The following ASTN2 variants were observed in gnomAD, a reference collection of about 807,000 sequenced individuals.
ASTN2 encodes astrotactin-2.
ASTN2 carries 54 observed loss-of-function variants against 139.8 expected under a neutral mutation model. That is an observed-to-expected ratio of 0.39 (90% CI 0.31 to 0.48). ASTN2 has a LOEUF of 0.48. Ranked by LOEUF, ASTN2 falls within the 20% of genes least tolerant of loss-of-function variation. The pLI is 0.95. For synonymous variants in ASTN2, 756 were observed against 719.5 expected, an observed-to-expected ratio of 1.05 and a Z score of -0.81; for missense variants, 1,565 against 1,725.1, an observed-to-expected ratio of 0.91 and a Z score of 1.64.
chr9:117,045,483 T>G (rs2132658583), intron 5 of ASTN2, among the ~76,000 whole-genome samples: 1 of 152,212 alleles, frequency 6.6e-6, no homozygotes. Context: ...AATCTAATTT[T>G]CCTTCCATTT....
chr9:116,782,007 A>C (rs1830231803), intron 13 of ASTN2, among the ~76,000 whole-genome samples: 2 of 152,178 alleles, frequency 1.3e-5, no homozygotes, highest in African/African-American at 2.4e-5. Flanking sequence ...CTAACTCCAA[A>C]ACCCATACTC....
At chr9:116,610,961 C>T (rs1452786841) in intron 19 of ASTN2, 3 of 152,080 alleles carry the variant, frequency 2.0e-5, no homozygotes, top group Non-Finnish European at 4.4e-5. Flanking sequence ...ATCTAACAGG[C>T]ATTTATAAAA....
intron 19 of ASTN2, among the ~76,000 whole-genome samples, chr9:116,574,685 G>C (rs60949535): frequency 0.16 from 24,566 of 152,196 alleles, 2,168 homozygotes; most frequent in African/African-American, 0.22. Context: ...AAGGCCAATG[G>C]TAAAATGCTT....
chr9:116,644,073 G>A (rs1321640817), intron 17 of ASTN2, among the ~76,000 whole-genome samples: 2 of 152,150 alleles, frequency 1.3e-5, no homozygotes, highest in Non-Finnish European at 2.9e-5. Flanking sequence ...TGCTGGTAGT[G>A]ATAGTAGTGG....
intron 16 of ASTN2, among the ~76,000 whole-genome samples, chr9:116,676,702 C>A (rs1192978245): frequency 1.3e-5 from 2 of 152,164 alleles, no homozygotes; most frequent in Non-Finnish European, 2.9e-5. Context: ...CTAGGAAAAG[C>A]AATAGAAACT....
At chr9:117,206,307 G>A (rs939806729) in intron 3 of ASTN2, among the ~76,000 whole-genome samples, 1 of 152,096 alleles carries the variant, frequency 6.6e-6, no homozygotes, top group Non-Finnish European at 1.5e-5. Flanking sequence ...CTCACTGTGG[G>A]GAAAAGATAA....
chr9:116,426,796 T>C (rs1847321884), intron 22 of ASTN2, among the ~76,000 whole-genome samples: 1 of 152,150 alleles, frequency 6.6e-6, no homozygotes, highest in Non-Finnish European at 1.5e-5. Context: ...CTGTGTCTCA[T>C]TTTTTCCCAC....
intron 13 of ASTN2, among the ~76,000 whole-genome samples, chr9:116,765,699 A>T (rs945857915): frequency 3.3e-5 from 5 of 152,170 alleles, no homozygotes; most frequent in African/African-American, 1.2e-4. Context: ...GCTGATCTTT[A>T]AAAAATAGAA....
At position 117,214,567 on chromosome 9, in the gene ASTN2, C is replaced by T. The variant is rs777574038; in HGVS notation, c.806G>A (p.Arg269His). The change falls in exon 3 of 23, where the codon CGT becomes CAT. Residue 269 changes from arginine (R) to histidine (H), a missense_variant. Coordinates refer to ENST00000313400, the MANE Select transcript of ASTN2 (RefSeq NM_001365068.1). ...LLGPQARESF[R>H]SSRLQTHNSV... ...ATTGTGGGTTTGCAGCCGGGATGAA[C>T]GGAAGCTCTCCCGCGCCTGGGGACC... 5 of 1,610,548 alleles carry T rather than the reference C, an allele frequency of 3.1e-6. No individual in the cohort carries two copies. The highest frequency in any genetic ancestry group is 2.2e-5 in the East Asian group (1 of 44,742).
chr9:117,223,725 G>A (rs1419059914), intron 2 of ASTN2, among the ~76,000 whole-genome samples: 1 of 152,120 alleles, frequency 6.6e-6, no homozygotes. Flanking sequence ...ACATGTATGT[G>A]ATTATGTATG....
intron 13 of ASTN2, among the ~76,000 whole-genome samples, chr9:116,779,148 C>A (rs1830156243): frequency 6.6e-6 from 1 of 152,120 alleles, no homozygotes; most frequent in African/African-American, 2.4e-5. Flanking sequence ...TATGGTCTGT[C>A]CCCAAAACTC....
chr9:117,262,058 AT>A, intron 2 of ASTN2, among the ~76,000 whole-genome samples: 1 of 152,158 alleles, frequency 6.6e-6, no homozygotes, highest in East Asian at 1.9e-4. Context: ...GGCCTCTATC[AT>A]TTAGGAATCA....
At chr9:117,102,785 G>A (rs554381249) in intron 4 of ASTN2, among the ~76,000 whole-genome samples, 1 of 152,192 alleles carries the variant, frequency 6.6e-6, no homozygotes, top group East Asian at 1.9e-4. Flanking sequence ...GCCTCCCAAA[G>A]TGCTGGGATT....
intron 4 of ASTN2, among the ~76,000 whole-genome samples, chr9:117,125,776 AGGC>A (rs1829670525): frequency 6.6e-6 from 1 of 151,272 alleles, no homozygotes; most frequent in Non-Finnish European, 1.5e-5. Flanking sequence ...CAGAACTGTC[AGGC>A]GGCTGTTAAA....
intron 20 of ASTN2, among the ~76,000 whole-genome samples, chr9:116,477,213 T>C (rs1849009003): frequency 1.3e-5 from 2 of 152,150 alleles, no homozygotes. Flanking sequence ...AACAGCGTTA[T>C]TTTTCCTCTA....
intron 10 of ASTN2, among the ~76,000 whole-genome samples, chr9:116,898,722 T>G (rs1377482334): frequency 1.3e-5 from 2 of 152,184 alleles, no homozygotes; most frequent in African/African-American, 4.8e-5. Context: ...CAGGTTGGAG[T>G]GCAGTGGCAC....
intron 2 of ASTN2, among the ~76,000 whole-genome samples, chr9:117,287,370 G>A (rs572143519): frequency 1.8e-4 from 28 of 152,216 alleles, no homozygotes; most frequent in African/African-American, 6.3e-4. Flanking sequence ...TACAGTCTTC[G>A]TAAGAATTCA....
intron 10 of ASTN2, among the ~76,000 whole-genome samples, chr9:116,867,128 G>C (rs1179372277): frequency 5.9e-5 from 9 of 151,818 alleles, no homozygotes; most frequent in Non-Finnish European, 5.9e-5. Flanking sequence ...AAATAGAGGA[G>C]AGAAAGGATG....
intron 3 of ASTN2, among the ~76,000 whole-genome samples, chr9:117,207,518 T>A (rs1440960650): frequency 6.6e-6 from 1 of 152,148 alleles, no homozygotes; most frequent in Non-Finnish European, 1.5e-5. Flanking sequence ...AGGCAGCTCC[T>A]GGCAGATACA....
Sources: gnomAD v4.1 joint callset for allele counts (sites outside exome capture counted in the v4.1 genomes callset) on GRCh38, gnomAD v4.1.1 for gene constraint, MANE v1.5 for transcripts, NCBI Gene and HGNC (gene_info 2026-07-23, HGNC 2026-07-21) for gene names.